EVC2: variants seen among roughly 807,000 people sequenced by gnomAD.
The protein encoded by EVC2 is EvC ciliary complex subunit 2.
Under a neutral mutation model 149.3 loss-of-function variants are expected in EVC2, and 148 were observed. That is an observed-to-expected ratio of 0.99 (90% CI 0.87 to 1.14). The LOEUF (loss-of-function observed/expected upper bound fraction) is 1.14, where lower values mean the gene tolerates loss of function less well. EVC2 is among the 50% of genes most tolerant of loss of function. EVC2 has a pLI of 0.00. For missense variants in EVC2, 1,854 were observed against 1,627.3 expected (o/e 1.14, Z -2.40); for synonymous variants, 776 against 649.9 (o/e 1.19, Z -2.95).
chr4:5,627,765 T>C (rs4285035), intron 12 of EVC2, among the ~76,000 whole-genome samples: 36,707 of 151,878 alleles, frequency 0.24, 5,068 homozygotes, highest in East Asian at 0.61. Context: ...GAAAAACCAT[T>C]TGGAATCCAA....
At chr4:5,680,988 T>A (rs552425486) in intron 7 of EVC2, among the ~76,000 whole-genome samples, 3 of 152,318 alleles carry the variant, frequency 2.0e-5, no homozygotes, top group Admixed American at 6.5e-5. Flanking sequence ...GGTAGGAGCG[T>A]GACTGGACAG....
chr4:5,565,425 C>G, intron 20 of EVC2, 66 bp from the exon 21 acceptor site: 1 of 1,492,380 alleles, frequency 6.7e-7, no homozygotes, highest in Non-Finnish European at 9.3e-7. Flanking sequence ...AATCCCAGCA[C>G]TTTGGAAGGC....
chr4:5,610,256 A>G (rs888741310), intron 16 of EVC2, among the ~76,000 whole-genome samples: 14 of 152,282 alleles, frequency 9.2e-5, no homozygotes, highest in Middle Eastern at 3.4e-3. Context: ...ACACACATAC[A>G]TACATATACC....
At chr4:5,660,820 T>C (rs1718830594) in intron 9 of EVC2, among the ~76,000 whole-genome samples, 1 of 152,206 alleles carries the variant, frequency 6.6e-6, no homozygotes, top group South Asian at 2.1e-4. Context: ...TGAGCCTAAA[T>C]AGTGAGGAAG....
At position 5,563,058 on chromosome 4, in the gene EVC2, T is replaced by C. The variant is rs372094895; in HGVS notation, c.3717A>G (p.Gly1239=). ...LRERMIFSGK[G]SWPHLSLEPI... is the part of the protein sequence containing the mutation. ...GCTCCAGTGACAGGTGTGGCCAACTTCCTTTTCCAGAGAATATCATCCTCT... is the reference window on the plus strand; with the variant it reads ...GCTCCAGTGACAGGTGTGGCCAACTCCCTTTTCCAGAGAATATCATCCTCT... The change falls in exon 22 of 22, where the codon GGA becomes GGG. Residue 1239 remains glycine, a synonymous_variant. Transcript: ENST00000344408. The C allele has an allele frequency of 6.2e-7, 1 of 1,614,174 alleles. No homozygotes were observed. Among genetic ancestry groups the C allele is most frequent in the Non-Finnish European group, 8.5e-7 (1 of 1,180,020 alleles).
At chr4:5,561,569 C>A (rs1349234777), downstream of EVC2, among the ~76,000 whole-genome samples, 1 of 152,160 alleles carries the variant, frequency 6.6e-6, no homozygotes. Context: ...TGGGGTGCTG[C>A]ATGCATGCTG....
chr4:5,576,340 G>A lies in EVC2; in HGVS notation c.3172C>T (p.Leu1058=). 2 of 1,614,234 alleles carry A rather than the reference G, an allele frequency of 1.2e-6. No homozygotes were observed. The highest frequency in any genetic ancestry group is 1.7e-6 in the Non-Finnish European group (2 of 1,180,046). ...GAATCCACCTCCCCAGGTTCGTTCA[G>A]AATCCCGGGCCCATCGGCCACCCAC... ...QQWVADGPGI[L]NEPGEVDSER... The change falls in exon 18 of 22, where the codon CTG becomes TTG. Residue 1058 remains leucine, a synonymous_variant. Transcript: ENST00000344408. This position sits in a 1 kb window ranked among gnomAD's most constrained non-coding sequence, Gnocchi z 4.5.
chr4:5,568,576 A>C lies in EVC2; in HGVS notation c.3425T>G (p.Leu1142Arg). 1.2e-6 allele frequency: 2 copies of C among 1,607,246 alleles called. No homozygotes were observed. The highest frequency in any genetic ancestry group is 1.7e-6 in the Non-Finnish European group (2 of 1,179,486). ...GGCTGTGGGCAGTACCACACTCAGG[A>C]GCCGGCGAAGCGTGGCCCCGGGCAC... ...AMVPGATLRR[L>R]LSVVLPTASQ... is the part of the protein sequence containing the mutation. Residue 1142 changes from leucine (L) to arginine (R), a missense_variant, in exon 20 of 22, where the codon CTC becomes CGC. Transcript: ENST00000344408.
At chr4:5,648,228 C>A (rs1717868979) in intron 9 of EVC2, among the ~76,000 whole-genome samples, 1 of 152,114 alleles carries the variant, frequency 6.6e-6, no homozygotes, top group African/African-American at 2.4e-5. Flanking sequence ...AAATGATAGC[C>A]ACCCCACTGA....
At position 5,696,359 on chromosome 4, in the gene EVC2, T is replaced by C. The variant is rs963892479; in HGVS notation, c.283+1234A>G. On this transcript the variant is annotated intron_variant, in intron 2 of 21. Coordinates refer to ENST00000344408, the MANE Select transcript of EVC2 (RefSeq NM_147127.5). This position sits in a 1 kb window ranked among gnomAD's most constrained non-coding sequence, Gnocchi z 4.1. ...TCTATTCAGCAAGAATCCCGCTCAG[T>C]CTACAGAGCCAAGTGGGGCCCACCC... is the stretch of plus-strand genomic sequence containing the variant. 3.3e-5 allele frequency among the ~76,000 whole-genome samples: 5 copies of C among 152,096 alleles called. No individual in the cohort carries two copies. Among genetic ancestry groups the C allele is most frequent in the Non-Finnish European group, 7.4e-5 (5 of 68,010 alleles).
intron 13 of EVC2, among the ~76,000 whole-genome samples, chr4:5,623,636 G>A (rs993925121): frequency 2.6e-5 from 4 of 152,066 alleles, no homozygotes; most frequent in African/African-American, 9.7e-5. Flanking sequence ...CATTGTGCCA[G>A]GTCTAGAAAG....
chr4:5,619,045 G>A (rs1390872330), intron 14 of EVC2, among the ~76,000 whole-genome samples: 1 of 152,126 alleles, frequency 6.6e-6, no homozygotes, highest in South Asian at 2.1e-4. Flanking sequence ...TCTCTATGTA[G>A]GACCAATGGA....
chr4:5,669,367 A>G (rs1719482526), intron 7 of EVC2, among the ~76,000 whole-genome samples: 1 of 152,224 alleles, frequency 6.6e-6, no homozygotes. Context: ...ATGGAGATGC[A>G]AAGAGATTAA....
At chr4:5,548,667 C>G (rs1006780947) in intron 21 of EVC2, among the ~76,000 whole-genome samples, 1 of 151,834 alleles carries the variant, frequency 6.6e-6, no homozygotes, top group Non-Finnish European at 1.5e-5. Flanking sequence ...TTTTAGATAC[C>G]CCTAAGCCAG....
intron 19 of EVC2, among the ~76,000 whole-genome samples, chr4:5,572,490 C>A (rs1290447340): frequency 1.3e-5 from 2 of 152,144 alleles, no homozygotes; most frequent in East Asian, 3.8e-4. Context: ...ACATAAGGAC[C>A]CGGCTTTCCT....
In EVC2 at chr4:5,622,942, G is replaced by C. The variant is rs778086528; in HGVS notation, c.2096C>G (p.Thr699Arg). ...EQASVGEAFR[T>R]VEDAGQYLHQ... ...CAGGTACTGGCCGGCATCCTCAACC[G>C]TTCGGAAGGCCTCGCCGACGGACGC... Residue 699 changes from threonine (T) to arginine (R), a missense_variant, in exon 14 of 22, where the codon ACG (threonine) becomes AGG (arginine). Physicochemically the swap from Thr to Arg is moderately conservative, Grantham distance 71. Coordinates refer to ENST00000344408, the MANE Select transcript of EVC2 (RefSeq NM_147127.5). The surrounding 1 kb of genome is among the most constrained non-coding windows in gnomAD (Gnocchi z 5.8). 1.2e-6 allele frequency: 2 copies of C among 1,613,968 alleles called. No individual in the cohort carries two copies. The highest frequency in any genetic ancestry group is 1.7e-6 in the Non-Finnish European group (2 of 1,180,010).
At chr4:5,574,574 A>C in intron 19 of EVC2, 111 bp downstream of exon 19, 1 of 1,101,866 alleles carries the variant, frequency 9.1e-7, no homozygotes, top group Non-Finnish European at 1.4e-6. Flanking sequence ...TGCAGGTTCC[A>C]AGGCTGGCTT....
At chr4:5,561,619 A>G (rs1281593943), downstream of EVC2, among the ~76,000 whole-genome samples, 1 of 152,204 alleles carries the variant, frequency 6.6e-6, no homozygotes, top group African/African-American at 2.4e-5. Context: ...CTGGTTGCCC[A>G]TGGAAAAGGG....
chr4:5,643,001 G>A (rs1717452532), intron 9 of EVC2, among the ~76,000 whole-genome samples: 1 of 152,184 alleles, frequency 6.6e-6, no homozygotes, highest in South Asian at 2.1e-4. Flanking sequence ...TACGCAGACA[G>A]ACCGATCAAC....
Sources: allele counts gnomAD v4.1 joint callset (sites outside exome capture counted in the v4.1 genomes callset), GRCh38; gene constraint gnomAD v4.1.1; non-coding constraint Gnocchi (gnomAD v3.1); transcripts MANE v1.5; gene names NCBI Gene and HGNC (gene_info 2026-07-23, HGNC 2026-07-21).